XIRP2: variants seen among roughly 807,000 people sequenced by gnomAD.
The protein encoded by XIRP2 is xin actin-binding repeat-containing protein 2.
XIRP2 carries 236 observed loss-of-function variants against 277.0 expected under a neutral mutation model. The observed-to-expected ratio is 0.85, with a 90% CI of 0.77 to 0.95. The LOEUF (loss-of-function observed/expected upper bound fraction) is 0.95. Among genes scored for constraint, XIRP2 ranks in the 40% least tolerant of loss-of-function variants. The probability of loss-of-function intolerance (pLI) is 0.00; values close to 1 mark genes in which losing one functional copy is unlikely to be tolerated. For missense variants in XIRP2, 4,640 were observed against 4,157.5 expected, an observed-to-expected ratio of 1.12 and a Z score of -3.19; for synonymous variants, 1,490 against 1,416.5, an observed-to-expected ratio of 1.05 and a Z score of -1.17.
At chr2:167,149,842 G>T (rs768047067) in intron 3 of XIRP2, among the ~76,000 whole-genome samples, 10 of 151,890 alleles carry the variant, frequency 6.6e-5, no homozygotes, top group Non-Finnish European at 1.2e-4. Context: ...CTAAAAAAAA[G>T]AAATAAAATA....
chr2:166,986,494 A>G (rs527867071), intron 2 of XIRP2, among the ~76,000 whole-genome samples: 11 of 152,364 alleles, frequency 7.2e-5, no homozygotes, highest in African/African-American at 2.6e-4. Flanking sequence ...TAGCTATGAT[A>G]GTTAGGTATA....
chr2:166,961,473 A>AT (rs1208754008), intron 2 of XIRP2, among the ~76,000 whole-genome samples: 1 of 151,814 alleles, frequency 6.6e-6, no homozygotes, highest in Non-Finnish European at 1.5e-5. Flanking sequence ...CTGACAGCTG[A>AT]ATTAGCCTTC....
chr2:166,967,371 A>G (rs1225834212), intron 2 of XIRP2, among the ~76,000 whole-genome samples: 7 of 151,922 alleles, frequency 4.6e-5, no homozygotes, highest in Non-Finnish European at 8.8e-5. Context: ...AAATAACTTT[A>G]AAGCAATCTT....
At chr2:167,021,998 G>T (rs1188062059) in intron 2 of XIRP2, among the ~76,000 whole-genome samples, 1 of 151,950 alleles carries the variant, frequency 6.6e-6, no homozygotes, top group African/African-American at 2.4e-5. Context: ...CAAAAGTAAA[G>T]ATTAAACTAT....
intron 3 of XIRP2, among the ~76,000 whole-genome samples, chr2:167,143,048 G>A (rs1021785364): frequency 2.0e-5 from 3 of 152,306 alleles, no homozygotes; most frequent in Middle Eastern, 3.4e-3. Flanking sequence ...AAGCTTTTGA[G>A]AAGTAGCTAG....
At position 167,244,069 on chromosome 2, in the gene XIRP2, A is replaced by G. The variant is rs374115799; in HGVS notation, c.2677A>G (p.Ile893Val). 4.3e-6 allele frequency: 7 copies of G among 1,613,928 alleles called. No homozygotes were observed. Among genetic ancestry groups the G allele is most frequent in the Non-Finnish European group, 5.9e-6 (7 of 1,179,900 alleles). Residue 893 changes from isoleucine (I) to valine (V), a missense_variant, in exon 9 of 11, where the codon ATA becomes GTA. Coordinates refer to ENST00000409195, the MANE Select transcript of XIRP2 (RefSeq NM_152381.6). Reference protein sequence around the residue: ...PIEALKDSPDIGKLQKITASE... With the variant: ...PIEALKDSPDVGKLQKITASE... Reference sequence around the variant, plus strand: ...TGAAGCATTAAAAGACAGTCCTGATATAGGAAAGCTTCAAAAAATCACTGC... The same window carrying G: ...TGAAGCATTAAAAGACAGTCCTGATGTAGGAAAGCTTCAAAAAATCACTGC...
chr2:167,230,568 T>C (rs1441929183), intron 5 of XIRP2, among the ~76,000 whole-genome samples: 1 of 152,088 alleles, frequency 6.6e-6, no homozygotes, highest in African/African-American at 2.4e-5. Flanking sequence ...GTTAAAAATA[T>C]TAATTCAAAA....
chr2:166,940,673 C>T (rs1426254403), intron 2 of XIRP2, among the ~76,000 whole-genome samples: 1 of 152,172 alleles, frequency 6.6e-6, no homozygotes, highest in Non-Finnish European at 1.5e-5. Flanking sequence ...CAGTCAGGAC[C>T]CTCAGCTGCA....
chr2:167,120,862 T>G (rs1203269976), intron 2 of XIRP2, among the ~76,000 whole-genome samples: 1 of 152,182 alleles, frequency 6.6e-6, no homozygotes. Context: ...ACTCGAGAAA[T>G]CTCTGAAGTC....
At chr2:167,084,836 T>C (rs61456883) in intron 2 of XIRP2, among the ~76,000 whole-genome samples, 16,433 of 151,248 alleles carry the variant, frequency 0.11, 1,834 homozygotes, top group African/African-American at 0.28. Flanking sequence ...CTCTCTTTTT[T>C]TCTTTATTAG....
At chr2:167,070,473 C>A (rs1157906182) in intron 2 of XIRP2, among the ~76,000 whole-genome samples, 1 of 152,048 alleles carries the variant, frequency 6.6e-6, no homozygotes, top group Non-Finnish European at 1.5e-5. Context: ...ACAGAAAATC[C>A]TGTATCTATA....
At chr2:167,059,890 A>G (rs1246614765) in intron 2 of XIRP2, among the ~76,000 whole-genome samples, 3 of 152,234 alleles carry the variant, frequency 2.0e-5, no homozygotes, top group African/African-American at 7.2e-5. Context: ...AGTGAGGTGT[A>G]TCCACATGAA....
chr2:167,135,247 A>G (rs1409353212), intron 2 of XIRP2, among the ~76,000 whole-genome samples: 1 of 152,130 alleles, frequency 6.6e-6, no homozygotes. Context: ...TACTTGGCCT[A>G]TACAATAAGG....
At chr2:167,233,813 G>A (rs1694825637) in intron 5 of XIRP2, among the ~76,000 whole-genome samples, 3 of 151,232 alleles carry the variant, frequency 2.0e-5, no homozygotes, top group Admixed American at 6.6e-5. Flanking sequence ...AGTGTCTCTG[G>A]TTTTAAGATT....
At chr2:167,004,758 A>G (rs1024083087) in intron 2 of XIRP2, among the ~76,000 whole-genome samples, 3 of 151,958 alleles carry the variant, frequency 2.0e-5, no homozygotes, top group Admixed American at 2.0e-4. Context: ...GCATGATTCA[A>G]TGTCCACAGT....
At chr2:167,056,581 A>T (rs1177815839) in intron 2 of XIRP2, among the ~76,000 whole-genome samples, 1 of 152,114 alleles carries the variant, frequency 6.6e-6, no homozygotes, top group African/African-American at 2.4e-5. Context: ...CTCCACTCCT[A>T]ATTACTCCAC....
At chr2:167,154,016 G>C (rs1692106433) in intron 3 of XIRP2, among the ~76,000 whole-genome samples, 1 of 149,780 alleles carries the variant, frequency 6.7e-6, no homozygotes, top group Non-Finnish European at 1.5e-5. Flanking sequence ...CTAGTTTACA[G>C]TCCCACCAAC....
chr2:167,034,150 T>C (rs1174136780), intron 2 of XIRP2, among the ~76,000 whole-genome samples: 1 of 152,004 alleles, frequency 6.6e-6, no homozygotes, highest in African/African-American at 2.4e-5. Context: ...GAAGTTAAAG[T>C]GTAGGGGAAT....
chr2:166,946,214 T>C (rs187650350), intron 2 of XIRP2, among the ~76,000 whole-genome samples: 1 of 152,290 alleles, frequency 6.6e-6, no homozygotes, highest in African/African-American at 2.4e-5. Context: ...AGTATCCTGA[T>C]TATATGAGTA....
Sources: allele counts gnomAD v4.1 joint callset (sites outside exome capture counted in the v4.1 genomes callset), GRCh38; gene constraint gnomAD v4.1.1; transcripts MANE v1.5; gene names NCBI Gene and HGNC (gene_info 2026-07-23, HGNC 2026-07-21).